CDH10: variants seen among roughly 807,000 people sequenced by gnomAD.
CDH10 encodes cadherin-10.
A neutral mutation model predicts 73.1 loss-of-function variants in CDH10; 30 were observed. The observed-to-expected ratio is 0.41, with a 90% CI of 0.31 to 0.56. The LOEUF is 0.56. CDH10 is among the 20% of genes least tolerant of loss of function. The probability of loss-of-function intolerance (pLI) is 0.27; values close to 1 mark genes in which losing one functional copy is unlikely to be tolerated. For missense variants in CDH10, 815 were observed against 973.7 expected (o/e 0.84, Z 2.17); for synonymous variants, 345 against 348.2 (o/e 0.99, Z 0.10).
At chr5:24,531,273 G>A (rs76843324) in intron 5 of CDH10, among the ~76,000 whole-genome samples, 2,220 of 152,124 alleles carry the variant, frequency 0.015, 54 homozygotes, top group African/African-American at 0.047. Context: ...ATACAGGTCT[G>A]AACCAACCCC....
chr5:24,543,256 T>C (rs966638767), intron 2 of CDH10, among the ~76,000 whole-genome samples: 7 of 152,162 alleles, frequency 4.6e-5, no homozygotes, highest in Non-Finnish European at 8.8e-5. Context: ...ATTTTAGATA[T>C]TGATAATTGT....
In CDH10 at chr5:24,535,093, A is replaced by C; in HGVS notation, c.814+19T>G. 6.5e-7 allele frequency: 1 copy of C among 1,534,398 alleles called. No homozygotes were observed. The highest frequency in any genetic ancestry group is 8.7e-7 in the Non-Finnish European group (1 of 1,144,476). ...TCTAAATCTTTTGCCCGGCAGAATG[A>C]CCATTAAAGGGTGCTTACTCTGGGG... On this transcript the variant is annotated intron_variant, in intron 5 of 11. Transcript: ENST00000264463.
intron 2 of CDH10, among the ~76,000 whole-genome samples, chr5:24,557,330 A>AT (rs1411835021): frequency 2.6e-5 from 4 of 151,642 alleles, no homozygotes; most frequent in East Asian, 1.9e-4. Context: ...AAAAGGTGTG[A>AT]TTTTTTTCTT....
chr5:24,538,848 C>A (rs1302229533), intron 2 of CDH10, among the ~76,000 whole-genome samples: 4 of 151,978 alleles, frequency 2.6e-5, no homozygotes, highest in Non-Finnish European at 5.9e-5. Flanking sequence ...AAAGCGTGGC[C>A]ACAGGAAGAA....
chr5:24,531,126 T>C lies in CDH10; in HGVS notation c.814+3986A>G, dbSNP rs75730879. ...TTTGCTTAGTGGATTTCTCCCTCTA[T>C]TGGTGGCTAGATCCACTCTATATTG... On this transcript the variant is annotated intron_variant, in intron 5 of 11. Transcript: ENST00000264463. Among the ~76,000 whole-genome samples the C allele has an allele frequency of 2.8e-4, 43 of 152,184 alleles. 1 individual carries two copies. The East Asian group carries it at 8.1e-3, about 29-fold the overall frequency.
rs749221632 is a variant in CDH10, at chr5:24,487,816, A to G, written c.2214T>C (p.Tyr738=). ...PPYDSLATYA[Y]EGNDSIAESL... ...ATTCAGCAATGGAATCATTTCCTTCATAGGCATAGGTTGCAAGTGAGTCGT... is the reference window on the plus strand; with the variant it reads ...ATTCAGCAATGGAATCATTTCCTTCGTAGGCATAGGTTGCAAGTGAGTCGT... Residue 738 remains tyrosine, a synonymous_variant, in exon 12 of 12, where the codon TAT becomes TAC. Coordinates refer to ENST00000264463, the MANE Select transcript of CDH10 (RefSeq NM_006727.5). 1.9e-6 allele frequency: 3 copies of G among 1,613,992 alleles called. No homozygotes were observed. The highest frequency in any genetic ancestry group is 1.1e-5 in the South Asian group (1 of 91,068).
chr5:24,642,045 G>T (rs778357250), intron 1 of CDH10, among the ~76,000 whole-genome samples: 2 of 152,002 alleles, frequency 1.3e-5, no homozygotes, highest in African/African-American at 2.4e-5. Context: ...ATATAATATG[G>T]CTAATGCTTT....
chr5:24,560,242 G>T (rs1277108324), intron 2 of CDH10, among the ~76,000 whole-genome samples: 2 of 103,096 alleles, frequency 1.9e-5, no homozygotes, highest in Non-Finnish European at 2.3e-5. Flanking sequence ...GTGTGTGTGT[G>T]TGTGTGTGTT....
intron 10 of CDH10, 37 bp downstream of exon 10, chr5:24,492,780 T>A (rs775459566): frequency 1.2e-6 from 1 of 829,998 alleles, no homozygotes; most frequent in South Asian, 1.4e-5. Flanking sequence ...CCTGTTAATA[T>A]CATCATAAGT....
At chr5:24,492,955 A>G (rs761519245) in intron 9 of CDH10, 30 bp from the exon 10 acceptor site, 7 of 849,656 alleles carry the variant, frequency 8.2e-6, no homozygotes, top group Non-Finnish European at 1.2e-5. Flanking sequence ...TATCTCATCA[A>G]TATATCTCTT....
intron 5 of CDH10, among the ~76,000 whole-genome samples, chr5:24,523,748 A>G (rs778082648): frequency 2.0e-5 from 3 of 152,140 alleles, no homozygotes; most frequent in Admixed American, 2.0e-4. Context: ...GTGCAGAGAC[A>G]ATATTTGTTA....
At chr5:24,552,213 T>A (rs1266854991) in intron 2 of CDH10, among the ~76,000 whole-genome samples, 1 of 152,050 alleles carries the variant, frequency 6.6e-6, no homozygotes, top group Non-Finnish European at 1.5e-5. Context: ...TTTTGCCATA[T>A]GAATTTGTGG....
At chr5:24,580,809 G>A (rs1223470182) in intron 2 of CDH10, among the ~76,000 whole-genome samples, 1 of 152,142 alleles carries the variant, frequency 6.6e-6, no homozygotes, top group African/African-American at 2.4e-5. Context: ...AGCTTCAAAG[G>A]AGACTCCGCT....
chr5:24,538,000 G>T (rs944800614), intron 2 of CDH10, among the ~76,000 whole-genome samples: 1 of 151,716 alleles, frequency 6.6e-6, no homozygotes, highest in Non-Finnish European at 1.5e-5. Context: ...TTGATAGGTG[G>T]GTGTAAACAT....
chr5:24,488,403 T>C (rs1561116531), intron 11 of CDH10, among the ~76,000 whole-genome samples: 1 of 152,130 alleles, frequency 6.6e-6, no homozygotes, highest in South Asian at 2.1e-4. Flanking sequence ...TCCTTAAATA[T>C]AGTGACTTAC....
intron 2 of CDH10, among the ~76,000 whole-genome samples, chr5:24,545,761 G>A (rs1744316024): frequency 6.6e-6 from 1 of 151,914 alleles, no homozygotes; most frequent in African/African-American, 2.4e-5. Flanking sequence ...CAAGGTTACA[G>A]TGAGGTATGA....
At chr5:24,580,208 T>C (rs1312510771) in intron 2 of CDH10, among the ~76,000 whole-genome samples, 3 of 152,094 alleles carry the variant, frequency 2.0e-5, no homozygotes, top group African/African-American at 7.2e-5. Flanking sequence ...GGTAAACCCA[T>C]GTCATGGGGG....
intron 9 of CDH10, among the ~76,000 whole-genome samples, chr5:24,496,662 G>C (rs547142673): frequency 2.0e-5 from 3 of 152,248 alleles, no homozygotes; most frequent in South Asian, 4.2e-4. Flanking sequence ...GAGGAGTGTT[G>C]GGTGGACTGA....
At chr5:24,536,816 T>C (rs1481867251) in intron 3 of CDH10, among the ~76,000 whole-genome samples, 1 of 151,884 alleles carries the variant, frequency 6.6e-6, no homozygotes, top group Non-Finnish European at 1.5e-5. Flanking sequence ...TTTCAACTGG[T>C]TTTTTTCGAA....
Sources: allele counts gnomAD v4.1 joint callset (sites outside exome capture counted in the v4.1 genomes callset), GRCh38; gene constraint gnomAD v4.1.1; transcripts MANE v1.5; gene names NCBI Gene and HGNC (gene_info 2026-07-23, HGNC 2026-07-21).